The following MCPH1 variants were observed in gnomAD, a reference collection of about 807,000 sequenced individuals.
MCPH1 encodes microcephalin.
In MCPH1, 104 loss-of-function variants were observed where a neutral mutation model predicts 84.5. That is an observed-to-expected ratio of 1.23 (90% CI 1.05 to 1.45). MCPH1 has a LOEUF of 1.45. Ranked by LOEUF, MCPH1 falls within the 40% of genes most tolerant of loss-of-function variation. The pLI is 0.00. For synonymous variants in MCPH1, 514 were observed against 366.8 expected (o/e 1.40, Z -4.58); for missense variants, 1,498 against 1,005.7 (o/e 1.49, Z -6.62).
intron 12 of MCPH1, chr8:6,563,205 C>T (rs143645010): frequency 1.3e-4 from 40 of 297,242 alleles, no homozygotes; most frequent in African/African-American, 4.3e-4. Flanking sequence ...GCAGCTTTCA[C>T]GGTCCTTTGT....
intron 13 of MCPH1, among the ~76,000 whole-genome samples, chr8:6,632,605 C>T (rs113855390): frequency 1.1e-4 from 16 of 152,182 alleles, no homozygotes; most frequent in East Asian, 5.8e-4. Context: ...GTCAGGAGAT[C>T]GAGACCATCC....
rs547861686 is a variant in MCPH1 at position 6,429,335 on chromosome 8, C to T, written c.234-2164C>T. On this transcript the variant is annotated intron_variant, in intron 3 of 13. Transcript: ENST00000344683. The stretch of plus-strand genomic sequence containing the variant: ...TGGACACAGGGTGGCAGTGAGTGGG[C>T]ACAGGCAAGGAGAGAAGGAGAGTCG... 3.3e-5 allele frequency among the ~76,000 whole-genome samples: 5 copies of T among 152,204 alleles called. No individual in the cohort carries two copies. The East Asian group carries it at 9.7e-4, about 29-fold the overall frequency.
At chr8:6,488,260 C>A (rs958910371) in intron 11 of MCPH1, among the ~76,000 whole-genome samples, 2 of 152,228 alleles carry the variant, frequency 1.3e-5, no homozygotes, top group Non-Finnish European at 2.9e-5. Context: ...TGCGCATTTC[C>A]CAGGTTGGAG....
intron 9 of MCPH1, among the ~76,000 whole-genome samples, chr8:6,465,315 C>T (rs183422919): frequency 3.3e-4 from 50 of 152,318 alleles, no homozygotes; most frequent in African/African-American, 1.1e-3. Context: ...CTCTCTGGTA[C>T]CAGTCCCTCT....
At chr8:6,454,635 G>A (rs1805481140) in intron 8 of MCPH1, among the ~76,000 whole-genome samples, 1 of 152,166 alleles carries the variant, frequency 6.6e-6, no homozygotes, top group African/African-American at 2.4e-5. Flanking sequence ...TGTCTTCATG[G>A]CAAGACGCTG....
intron 9 of MCPH1, among the ~76,000 whole-genome samples, chr8:6,460,873 C>CTTGT (rs1275278262): frequency 6.6e-6 from 1 of 152,112 alleles, no homozygotes; most frequent in Non-Finnish European, 1.5e-5. Flanking sequence ...ATAGCTGGGG[C>CTTGT]TTGTTTGTTT....
At chr8:6,418,459 GGTTT>G (rs1186521779) in intron 3 of MCPH1, among the ~76,000 whole-genome samples, 1 of 151,910 alleles carries the variant, frequency 6.6e-6, no homozygotes, top group Non-Finnish European at 1.5e-5. Context: ...TTTGTATATT[GGTTT>G]GTTAGGCATA....
chr8:6,610,266 C>T (rs570554113), intron 12 of MCPH1, among the ~76,000 whole-genome samples: 30 of 152,298 alleles, frequency 2.0e-4, no homozygotes, highest in African/African-American at 4.3e-4. Flanking sequence ...AGACAGAAGG[C>T]GGTTTGGAAA....
chr8:6,600,767 G>A (rs1161237379), intron 12 of MCPH1, among the ~76,000 whole-genome samples: 1 of 152,160 alleles, frequency 6.6e-6, no homozygotes, highest in Non-Finnish European at 1.5e-5. Context: ...GCTGAGCAAC[G>A]CAGGAGGCAC....
intron 4 of MCPH1, among the ~76,000 whole-genome samples, chr8:6,433,453 C>T (rs910563973): frequency 1.3e-5 from 2 of 151,684 alleles, no homozygotes; most frequent in Non-Finnish European, 2.9e-5. Context: ...GCCAACATGG[C>T]GAAACCCCAT....
chr8:6,407,773 C>T (rs1585540136), intron 1 of MCPH1, among the ~76,000 whole-genome samples: 1 of 152,310 alleles, frequency 6.6e-6, no homozygotes, highest in East Asian at 1.9e-4. Flanking sequence ...AAGAGGATAT[C>T]CACTAGAACA....
At chr8:6,623,369 T>TC (rs1384604976) in intron 13 of MCPH1, among the ~76,000 whole-genome samples, 1 of 151,686 alleles carries the variant, frequency 6.6e-6, no homozygotes, top group Non-Finnish European at 1.5e-5. Flanking sequence ...TCTCTCTCTC[T>TC]CCTGTTCTCT....
At chr8:6,522,379 A>G (rs1218332662) in intron 12 of MCPH1, among the ~76,000 whole-genome samples, 1 of 151,394 alleles carries the variant, frequency 6.6e-6, no homozygotes, top group Non-Finnish European at 1.5e-5. Context: ...AAAAATGTAA[A>G]CGCTTAGACT....
At position 6,625,895 on chromosome 8, in the gene MCPH1, T is replaced by C. The variant is rs571207205; in HGVS notation, c.2452+4204T>C. ...CACAGGGGGTGGAGAACCAGGAGTT[T>C]TTTAGCCACTAGGAACCTCTCTGAG... On this transcript the variant is annotated intron_variant, in intron 13 of 13. Coordinates refer to ENST00000344683, the MANE Select transcript of MCPH1 (RefSeq NM_024596.5). 2.5e-5 allele frequency: 25 copies of C among 985,378 alleles called. No homozygotes were observed. The East Asian group carries it at 2.6e-3, about 103-fold the overall frequency. The allele number at this position is 985,378 out of a possible 1,614,324, so 61.0% of individuals were successfully genotyped here.
intron 12 of MCPH1, among the ~76,000 whole-genome samples, chr8:6,520,534 T>G (rs1817117786): frequency 6.6e-6 from 1 of 152,064 alleles, no homozygotes; most frequent in Non-Finnish European, 1.5e-5. Context: ...CAGCTGGGAT[T>G]TCAGGTGCCC....
intron 9 of MCPH1, among the ~76,000 whole-genome samples, chr8:6,461,501 A>AT (rs78168192): frequency 0.026 from 3,589 of 136,296 alleles, 129 homozygotes; most frequent in African/African-American, 0.077. Context: ...TAATTTTTCT[A>AT]TTTTTTTTTT....
intron 12 of MCPH1, among the ~76,000 whole-genome samples, chr8:6,561,120 G>C (rs145671927): frequency 6.6e-6 from 1 of 152,314 alleles, no homozygotes; most frequent in East Asian, 1.9e-4. Context: ...ATTTCAACCT[G>C]TGTTGCTGCA....
chr8:6,419,386 A>AT (rs1340320924), intron 3 of MCPH1, among the ~76,000 whole-genome samples: 12 of 41,812 alleles, frequency 2.9e-4, no homozygotes, highest in African/African-American at 8.3e-4. Flanking sequence ...ATGCCCAGCC[A>AT]TTAAAAAATT....
rs967814456 is a variant in MCPH1, at chr8:6,491,380, T to C, written c.2137-8472T>C. Reference sequence around the variant, plus strand: ...AGTAGAGTCTATGGTTTCTTTCTTTTTTTTTTTTTTTTTAGCTGCTAAAGA... The same window carrying C: ...AGTAGAGTCTATGGTTTCTTTCTTTCTTTTTTTTTTTTTAGCTGCTAAAGA... On this transcript the variant is annotated intron_variant, in intron 11 of 13. Transcript: ENST00000344683. Among the ~76,000 whole-genome samples, 106 of 150,464 alleles carry C rather than the reference T, an allele frequency of 7.0e-4. 1 individual carries two copies. The highest frequency in any genetic ancestry group is 1.3e-3 in the Non-Finnish European group (86 of 67,484).
Sources: gnomAD v4.1 joint callset for allele counts (sites outside exome capture counted in the v4.1 genomes callset) on GRCh38, gnomAD v4.1.1 for gene constraint, MANE v1.5 for transcripts, NCBI Gene and HGNC (gene_info 2026-07-23, HGNC 2026-07-21) for gene names.